ASZ1: variants seen among roughly 807,000 people sequenced by gnomAD.
ASZ1 encodes ankyrin repeat, SAM and basic leucine zipper domain containing 1, also known as ankyrin repeat, SAM and basic leucine zipper domain-containing protein 1.
Under a neutral mutation model 61.8 loss-of-function variants are expected in ASZ1, and 67 were observed. That is an observed-to-expected ratio of 1.08 (90% confidence interval 0.89 to 1.33). The LOEUF is 1.33. Among genes scored for constraint, ASZ1 ranks in the 40% most tolerant of loss-of-function variants. The pLI is 0.00. For synonymous variants in ASZ1, 193 were observed against 192.7 expected, an observed-to-expected ratio of 1.00 and a Z score of -0.01; for missense variants, 577 against 554.5, an observed-to-expected ratio of 1.04 and a Z score of -0.41.
intron 12 of ASZ1, among the ~76,000 whole-genome samples, chr7:117,366,683 C>G (rs944595612): frequency 2.0e-5 from 3 of 151,472 alleles, no homozygotes; most frequent in Admixed American, 2.0e-4. Context: ...TGTAAAAAAC[C>G]AGAACCAAAG....
intron 10 of ASZ1, among the ~76,000 whole-genome samples, chr7:117,375,871 GA>G (rs997382149): frequency 3.3e-5 from 5 of 151,746 alleles, no homozygotes; most frequent in East Asian, 1.9e-4. Context: ...GTTTACATAA[GA>G]AAAAAAGTCT....
intron 4 of ASZ1, among the ~76,000 whole-genome samples, chr7:117,386,168 A>G (rs1796352403): frequency 6.6e-6 from 1 of 152,202 alleles, no homozygotes; most frequent in Non-Finnish European, 1.5e-5. Context: ...GAATGACACA[A>G]ATAAGGTCCC....
At chr7:117,409,418 T>G (rs1275008277) in intron 4 of ASZ1, among the ~76,000 whole-genome samples, 1 of 151,866 alleles carries the variant, frequency 6.6e-6, no homozygotes, top group African/African-American at 2.4e-5. Flanking sequence ...CCTTTACAGT[T>G]TGTCACTGAA....
chr7:117,365,546 C>A (rs1239791971), intron 12 of ASZ1, among the ~76,000 whole-genome samples: 1 of 152,110 alleles, frequency 6.6e-6, no homozygotes, highest in Non-Finnish European at 1.5e-5. Flanking sequence ...AGTAAATAAC[C>A]CTGAAGCAAA....
At chr7:117,403,693 T>C (rs1056895060) in intron 4 of ASZ1, among the ~76,000 whole-genome samples, 1 of 152,146 alleles carries the variant, frequency 6.6e-6, no homozygotes, top group Non-Finnish European at 1.5e-5. Context: ...TATAGGTCCT[T>C]GGAACCGATA....
rs146651973 is a variant in ASZ1, at chr7:117,367,025, C to A, written c.1275+327G>T. Among the ~76,000 whole-genome samples the A allele has an allele frequency of 2.1e-3, 318 of 152,222 alleles. 2 individuals are homozygous for A. The highest frequency in any genetic ancestry group is 0.017 in the Middle Eastern group (5 of 294). On this transcript the variant is annotated intron_variant, in intron 12 of 12. Transcript: ENST00000284629. ...GATACAAATATTTAATAGTATTTGGCACATCCTGCCAAACTGTTTTTGAAA... is the reference window on the plus strand; with the variant it reads ...GATACAAATATTTAATAGTATTTGGAACATCCTGCCAAACTGTTTTTGAAA...
intron 8 of ASZ1, among the ~76,000 whole-genome samples, chr7:117,381,322 A>G (rs1796246754): frequency 6.6e-6 from 1 of 152,126 alleles, no homozygotes; most frequent in Non-Finnish European, 1.5e-5. Context: ...ATTTGCTTAC[A>G]TTAAAAGAAA....
chr7:117,363,567 G>A lies in ASZ1; in HGVS notation c.*29C>T, dbSNP rs377735582. 110 of 1,539,240 alleles carry A rather than the reference G, an allele frequency of 7.1e-5. No individual in the cohort carries two copies. In the African/African-American group the frequency reaches 1.4e-3, roughly 19 times the overall value. On this transcript the variant is annotated 3_prime_UTR_variant, in exon 13 of 13. Coordinates refer to ENST00000284629, the MANE Select transcript of ASZ1 (RefSeq NM_130768.3). ...ATTTTTGGATGGTTCAATAAGATGT[G>A]TATATATAACTTAAAACAAATATTT...
At chr7:117,373,409 T>A (rs17139756) in intron 10 of ASZ1, among the ~76,000 whole-genome samples, 13 of 152,050 alleles carry the variant, frequency 8.5e-5, no homozygotes, top group African/African-American at 2.9e-4. Flanking sequence ...ACATACTAAG[T>A]CAGAAAAAAG....
chr7:117,393,048 C>T (rs926818959), intron 4 of ASZ1, among the ~76,000 whole-genome samples: 1 of 151,756 alleles, frequency 6.6e-6, no homozygotes, highest in Non-Finnish European at 1.5e-5. Context: ...GATTTCACCA[C>T]GTTGGCCAGG....
intron 4 of ASZ1, among the ~76,000 whole-genome samples, chr7:117,393,004 G>A (rs1374791700): frequency 6.6e-6 from 1 of 151,914 alleles, no homozygotes; most frequent in African/African-American, 2.4e-5. Flanking sequence ...ATGCCACCAT[G>A]CCTGGCTAAT....
At chr7:117,407,663 A>G (rs1796811786) in intron 4 of ASZ1, among the ~76,000 whole-genome samples, 1 of 152,194 alleles carries the variant, frequency 6.6e-6, no homozygotes, top group Non-Finnish European at 1.5e-5. Flanking sequence ...CTCTCAAAAT[A>G]TCTTATTGTA....
At chr7:117,405,592 T>C (rs745717612) in intron 4 of ASZ1, among the ~76,000 whole-genome samples, 2 of 152,212 alleles carry the variant, frequency 1.3e-5, no homozygotes, top group South Asian at 2.1e-4. Flanking sequence ...GGGCCTCACA[T>C]AGATGTGGAT....
chr7:117,386,553 T>A (rs138415047), intron 4 of ASZ1, among the ~76,000 whole-genome samples: 1 of 152,288 alleles, frequency 6.6e-6, no homozygotes, highest in African/African-American at 2.4e-5. Flanking sequence ...CATAACATCA[T>A]GGTCTGTTTT....
At chr7:117,394,229 C>G (rs1045951030) in intron 4 of ASZ1, among the ~76,000 whole-genome samples, 5 of 152,058 alleles carry the variant, frequency 3.3e-5, no homozygotes, top group African/African-American at 1.2e-4. Flanking sequence ...CTCAGCCTCC[C>G]GAGTAGCTAG....
chr7:117,377,165 A>C (rs1796153350), intron 10 of ASZ1, among the ~76,000 whole-genome samples: 1 of 152,188 alleles, frequency 6.6e-6, no homozygotes, highest in Non-Finnish European at 1.5e-5. Flanking sequence ...AATAAAATGA[A>C]ATACTTAGGT....
chr7:117,397,215 T>TGAACC (rs200117755), intron 4 of ASZ1, among the ~76,000 whole-genome samples: 5,632 of 151,274 alleles, frequency 0.037, 186 homozygotes, highest in African/African-American at 0.08. Flanking sequence ...GTCTCCGAAC[T>TGAACC]GAACCGAACC....
chr7:117,394,612 G>A (rs1393402737), intron 4 of ASZ1, among the ~76,000 whole-genome samples: 1 of 151,910 alleles, frequency 6.6e-6, no homozygotes, highest in Non-Finnish European at 1.5e-5. Flanking sequence ...GGTCTTTATT[G>A]CTTCAAACAT....
chr7:117,372,689 A>G (rs1796069790), intron 10 of ASZ1, among the ~76,000 whole-genome samples: 1 of 152,232 alleles, frequency 6.6e-6, no homozygotes, highest in East Asian at 1.9e-4. Flanking sequence ...ACTGTAGAAT[A>G]TCTGGAAAAG....
Sources: allele counts gnomAD v4.1 joint callset (sites outside exome capture counted in the v4.1 genomes callset), GRCh38; gene constraint gnomAD v4.1.1; transcripts MANE v1.5; gene names NCBI Gene and HGNC (gene_info 2026-07-23, HGNC 2026-07-21).